ABCB4: variants seen among roughly 807,000 people sequenced by gnomAD.
ABCB4 encodes the protein ATP binding cassette subfamily B member 4, also known as phosphatidylcholine translocator ABCB4.
A neutral mutation model predicts 145.7 loss-of-function variants in ABCB4; 76 were observed. That is an observed-to-expected ratio of 0.52 (90% CI 0.43 to 0.63). The LOEUF (loss-of-function observed/expected upper bound fraction) is 0.63. Among genes scored for constraint, ABCB4 ranks in the 30% least tolerant of loss-of-function variants. The pLI is 0.00. For missense variants in ABCB4, 1,234 were observed against 1,553.1 expected, an observed-to-expected ratio of 0.79 and a Z score of 3.45; for synonymous variants, 517 against 566.8, an observed-to-expected ratio of 0.91 and a Z score of 1.25.
the ABCB4 span, chr7:87,375,673 A>G: frequency 6.2e-7 from 1 of 1,613,616 alleles, no homozygotes; most frequent in South Asian, 1.1e-5. Flanking sequence ...AGTGAACCTG[A>G]TGGACCTGGG....
rs1467641387 is a variant in ABCB4 at position 87,423,935 on chromosome 7, A to G, written c.2182T>C (p.Phe728Leu). 6 of 1,614,092 alleles carry G rather than the reference A, an allele frequency of 3.7e-6. No individual in the cohort carries two copies. Among genetic ancestry groups the G allele is most frequent in the Non-Finnish European group, 5.1e-6 (6 of 1,179,970 alleles). Residue 728 changes from phenylalanine to leucine, a missense_variant, in exon 17 of 28, where the codon TTT becomes CTT. Phe to Leu is a conservative substitution (Grantham distance 22). Coordinates refer to ENST00000649586, the MANE Select transcript of ABCB4 (RefSeq NM_000443.4). ...AIANGGLQPA[F>L]SVIFSEIIAI... ...ATGATCTCTGAGAATATGACTGAAA[A>G]TGCCGGCTGAAGCCCCCCATTGGCA...
Position 87,472,679 on chromosome 7 carries a change from T to C in ABCB4, c.81-4A>G. ...CGTTTTTTTCCTTTTTTGTTTGCTG[T>C]AAAAAATAGAATTGCTTCAATTTAA... is the stretch of plus-strand genomic sequence containing the variant. On this transcript the variant is annotated splice_region_variant and splice_polypyrimidine_tract_variant and intron_variant, in intron 2 of 27. Transcript: ENST00000649586. The C allele has an allele frequency of 1.9e-6, 3 of 1,587,016 alleles. No individual in the cohort carries two copies. Among genetic ancestry groups the C allele is most frequent in the South Asian group, 1.1e-5 (1 of 90,302 alleles).
At position 87,441,663 on chromosome 7, in the gene ABCB4, A is replaced by G. The variant is rs1301761450; in HGVS notation, c.1357-1261T>C. ...GCATAGTGGTGCAACCATTGGTGCA[A>G]CAATAGCTCACTGCAGCCTTGAACT... On this transcript the variant is annotated intron_variant, in intron 12 of 27. Coordinates refer to ENST00000649586, the MANE Select transcript of ABCB4 (RefSeq NM_000443.4). 3.3e-5 allele frequency among the ~76,000 whole-genome samples: 5 copies of G among 152,156 alleles called. No homozygotes were observed. The East Asian group carries it at 7.7e-4, about 24-fold the overall frequency.
intron 4 of ABCB4, among the ~76,000 whole-genome samples, chr7:87,455,244 A>AT (rs1389805868): frequency 1.3e-5 from 2 of 152,174 alleles, no homozygotes; most frequent in African/African-American, 2.4e-5. Flanking sequence ...GTATTCTAGT[A>AT]TTTTTTGAAG....
Position 87,419,997 on chromosome 7 carries a change from C to A in ABCB4, c.2394+1G>T. 1 of 1,613,902 alleles carries A rather than the reference C, an allele frequency of 6.2e-7. No homozygotes were observed. Among genetic ancestry groups the A allele is most frequent in the Non-Finnish European group, 8.5e-7 (1 of 1,179,808 alleles). On this transcript the variant is annotated splice_donor_variant, in intron 19 of 27. Coordinates refer to ENST00000649586, the MANE Select transcript of ABCB4 (RefSeq NM_000443.4). LOFTEE classifies it high-confidence loss of function. Reference sequence around the variant, plus strand: ...AGGCATTCTCCAGCGCACACTCCTACCTGTCTTAGCATTGCTTTAAAAGCC... The same window carrying A: ...AGGCATTCTCCAGCGCACACTCCTAACTGTCTTAGCATTGCTTTAAAAGCC...
intron 7 of ABCB4, among the ~76,000 whole-genome samples, chr7:87,450,534 G>A (rs966149025): frequency 4.8e-5 from 7 of 144,770 alleles, no homozygotes; most frequent in African/African-American, 1.6e-4. Flanking sequence ...GCAGTGGCAC[G>A]ATCTCGGCTC....
chr7:87,377,069 C>T, the ABCB4 span, among the ~76,000 whole-genome samples: 2 of 152,222 alleles, frequency 1.3e-5, no homozygotes, highest in Admixed American at 6.5e-5. Context: ...CCTCTCAATT[C>T]TATGTTCTGT....
chr7:87,445,452 C>T (rs1029439004), intron 9 of ABCB4, among the ~76,000 whole-genome samples: 5 of 152,308 alleles, frequency 3.3e-5, no homozygotes, highest in African/African-American at 9.6e-5. Context: ...CATAAAATCA[C>T]TCCAGTGTGC....
intron 3 of ABCB4, among the ~76,000 whole-genome samples, chr7:87,469,379 A>G (rs1813190412): frequency 6.6e-6 from 1 of 152,224 alleles, no homozygotes; most frequent in Non-Finnish European, 1.5e-5. Context: ...CAGGGCAATC[A>G]GGCAGAAGAA....
intron 19 of ABCB4, among the ~76,000 whole-genome samples, chr7:87,419,762 G>A: frequency 7.3e-6 from 1 of 136,204 alleles, no homozygotes. Context: ...ATAAGCCAAA[G>A]CTACCCAAAT....
intron 7 of ABCB4, among the ~76,000 whole-genome samples, chr7:87,450,587 C>T (rs184612773): frequency 6.6e-6 from 1 of 151,576 alleles, no homozygotes; most frequent in Non-Finnish European, 1.5e-5. Flanking sequence ...TCTTCTGCCT[C>T]AGCCTCCCGA....
chr7:87,390,191 G>A, the ABCB4 span, among the ~76,000 whole-genome samples: 1 of 152,014 alleles, frequency 6.6e-6, no homozygotes, highest in Non-Finnish European at 1.5e-5. Context: ...TCCTATTTTG[G>A]TTATGTTTTA....
intron 6 of ABCB4, chr7:87,452,378 C>CTTT (rs528084596): frequency 5.2e-5 from 7 of 134,752 alleles, no homozygotes; most frequent in East Asian, 2.1e-4. Flanking sequence ...TTGCTTTTCC[C>CTTT]TTTTTTTTTT....
the ABCB4 span, among the ~76,000 whole-genome samples, chr7:87,383,845 A>C: frequency 6.6e-6 from 1 of 152,198 alleles, no homozygotes; most frequent in Non-Finnish European, 1.5e-5. Flanking sequence ...TTGATTCTAT[A>C]TCTTGACTAT....
At chr7:87,460,994 G>A (rs547876275) in intron 4 of ABCB4, among the ~76,000 whole-genome samples, 35 of 150,534 alleles carry the variant, frequency 2.3e-4, no homozygotes, top group South Asian at 1.3e-3. Flanking sequence ...ACGGAGTTTT[G>A]CTCTTGTTGC....
chr7:87,418,294 G>T (rs1319451166), intron 20 of ABCB4, among the ~76,000 whole-genome samples: 1 of 152,218 alleles, frequency 6.6e-6, no homozygotes, highest in African/African-American at 2.4e-5. Context: ...TCCTGTGACT[G>T]CAGGGAATCA....
intron 3 of ABCB4, among the ~76,000 whole-genome samples, chr7:87,471,198 C>A (rs1813366843): frequency 6.6e-6 from 1 of 151,008 alleles, no homozygotes; most frequent in Non-Finnish European, 1.5e-5. Flanking sequence ...GGGAACATCA[C>A]ACACCGGGGC....
chr7:87,465,839 C>A (rs548572751), intron 3 of ABCB4, among the ~76,000 whole-genome samples: 1 of 152,278 alleles, frequency 6.6e-6, no homozygotes, highest in Non-Finnish European at 1.5e-5. Context: ...GGCTGAGGGT[C>A]CTGACTGTTA....
the ABCB4 span, chr7:87,391,650 A>G: frequency 6.2e-7 from 1 of 1,611,928 alleles, no homozygotes. Flanking sequence ...TACAGAGACT[A>G]TGCGATCATG....
Sources: gnomAD v4.1 joint callset for allele counts (sites outside exome capture counted in the v4.1 genomes callset) on GRCh38, gnomAD v4.1.1 for gene constraint, MANE v1.5 for transcripts, NCBI Gene and HGNC (gene_info 2026-07-23, HGNC 2026-07-21) for gene names.